FMO3: variants seen among roughly 807,000 people sequenced by gnomAD.
FMO3 encodes flavin-containing monooxygenase 3.
A neutral mutation model predicts 39.4 loss-of-function variants in FMO3; 40 were observed. That is an observed-to-expected ratio of 1.02 (90% CI 0.79 to 1.32). The LOEUF (loss-of-function observed/expected upper bound fraction) is 1.32, where lower values mean the gene tolerates loss of function less well. Among genes scored for constraint, FMO3 ranks in the 40% most tolerant of loss-of-function variants. The pLI, the probability that FMO3 is intolerant of heterozygous loss-of-function variation, is 0.00. For missense variants in FMO3, 680 were observed against 651.8 expected, an observed-to-expected ratio of 1.04 and a Z score of -0.47; for synonymous variants, 219 against 228.8, an observed-to-expected ratio of 0.96 and a Z score of 0.39.
At chr1:171,115,572 A>T (rs2236873) in intron 7 of FMO3, among the ~76,000 whole-genome samples, 47,579 of 152,078 alleles carry the variant, frequency 0.31, 7,979 homozygotes, top group African/African-American at 0.44. Context: ...TCAAGTTGAT[A>T]CCAAGATTAC....
At chr1:171,101,703 TC>T in intron 2 of FMO3, 1 of 508,792 alleles carries the variant, frequency 2.0e-6, no homozygotes, top group Non-Finnish European at 4.1e-6. Context: ...ATGATGTATT[TC>T]CCTCACCTTC....
intron 2 of FMO3, among the ~76,000 whole-genome samples, chr1:171,099,638 T>A (rs572955216): frequency 2.0e-5 from 3 of 152,058 alleles, no homozygotes; most frequent in Admixed American, 6.6e-5. Flanking sequence ...ATCATACAGC[T>A]GATAATGGTG....
rs1228257104 is a variant in FMO3, at chr1:171,093,827, C to CTTTTTTTT, written c.132+1055_132+1062dup. 5.4e-4 allele frequency among the ~76,000 whole-genome samples: 41 copies of CTTTTTTTT among 75,302 alleles called. 2 individuals are homozygous for CTTTTTTTT. Among genetic ancestry groups the CTTTTTTTT allele is most frequent in the Middle Eastern group, 0.011 (1 of 88 alleles). 49.4% of individuals were successfully genotyped at this position (75,302 alleles called of 152,430 possible). ...CTTTTCTCCACATACTCACTAATAT[C>CTTTTTTTT]TTTTTTTTTTTTTTTTTTTTTTTTT... On this transcript the variant is annotated intron_variant, in intron 2 of 8. Coordinates refer to ENST00000367755, the MANE Select transcript of FMO3 (RefSeq NM_001002294.3).
chr1:171,096,023 T>TAAATATA (rs1654979206), intron 2 of FMO3, among the ~76,000 whole-genome samples: 3 of 67,114 alleles, frequency 4.5e-5, no homozygotes, highest in East Asian at 4.6e-4. Flanking sequence ...ATATTATATA[T>TAAATATA]TAATATATAA....
intron 6 of FMO3, among the ~76,000 whole-genome samples, chr1:171,111,620 G>T (rs1406108723): frequency 6.6e-6 from 1 of 151,990 alleles, no homozygotes; most frequent in Non-Finnish European, 1.5e-5. Flanking sequence ...ACCAATGCTT[G>T]CATCTTCAGT....
chr1:171,113,316 G>A (rs953070127), intron 6 of FMO3, among the ~76,000 whole-genome samples: 4 of 152,082 alleles, frequency 2.6e-5, no homozygotes, highest in African/African-American at 9.7e-5. Context: ...CCTCCCTCTG[G>A]CCTTATTTAA....
chr1:171,100,822 C>A lies in FMO3; in HGVS notation c.133-2963C>A, dbSNP rs147754679. 6.5e-5 allele frequency: 17 copies of A among 261,204 alleles called. No individual in the cohort carries two copies. In the East Asian group the frequency reaches 1.3e-3, roughly 21 times the overall value. The allele number at this position is 261,204 out of a possible 1,614,324, so 16.2% of individuals were successfully genotyped here. On this transcript the variant is annotated intron_variant, in intron 2 of 8. Transcript: ENST00000367755. ...ATGCCCCTCCTCAAAGATATCACAT[C>A]CAAATTCCTGGAACCTGTAAATGTT...
chr1:171,106,228 C>T (rs894067287), intron 3 of FMO3, among the ~76,000 whole-genome samples: 8 of 151,416 alleles, frequency 5.3e-5, no homozygotes, highest in Admixed American at 4.6e-4. Flanking sequence ...ATAACCTCCA[C>T]CTCCTAGGTT....
At position 171,106,149 on chromosome 1, in the gene FMO3, T is replaced by G. The variant is rs371459107; in HGVS notation, c.322-1526T>G. Among the ~76,000 whole-genome samples, 114 of 152,240 alleles carry G rather than the reference T, an allele frequency of 7.5e-4. 1 individual carries two copies. The highest frequency in any genetic ancestry group is 2.3e-3 in the East Asian group (12 of 5,186). On this transcript the variant is annotated intron_variant, in intron 3 of 8. Transcript: ENST00000367755. Reference sequence around the variant, plus strand: ...TAATGTGACTATTAGAATTTTTTTTTTTTGTTTTGACACGGAGTTTCCCTC... The same window carrying G: ...TAATGTGACTATTAGAATTTTTTTTGTTTGTTTTGACACGGAGTTTCCCTC...
chr1:171,114,381 T>C lies in FMO3; in HGVS notation c.1183+19T>C. The C allele has an allele frequency of 6.4e-7, 1 of 1,559,882 alleles. No homozygotes were observed. Among genetic ancestry groups the C allele is most frequent in the Non-Finnish European group, 8.8e-7 (1 of 1,132,444 alleles). On this transcript the variant is annotated intron_variant, in intron 7 of 8. Transcript: ENST00000367755. The stretch of plus-strand genomic sequence containing the variant: ...ATAAAGGGTAAGTCAATAAAGAGGC[T>C]CATGGATTGCGAAGATGAATGCCAG...
intron 6 of FMO3, 103 bp downstream of exon 6, chr1:171,111,100 A>C (rs1157487381): frequency 1.1e-6 from 1 of 882,982 alleles, no homozygotes; most frequent in Admixed American, 1.8e-5. Context: ...TAGCAATCAC[A>C]ACTCATATAT....
At chr1:171,109,250 G>A (rs1655787982) in intron 5 of FMO3, among the ~76,000 whole-genome samples, 3 of 152,136 alleles carry the variant, frequency 2.0e-5, no homozygotes, top group African/African-American at 4.8e-5. Flanking sequence ...CAAAGCTTCC[G>A]AATCCAAGGA....
intron 7 of FMO3, among the ~76,000 whole-genome samples, chr1:171,115,391 CT>C (rs28363588): frequency 0.018 from 2,743 of 152,216 alleles, 74 homozygotes; most frequent in African/African-American, 0.061. Flanking sequence ...CAGTCTCTTT[CT>C]TTTCAATCTC....
intron 2 of FMO3, among the ~76,000 whole-genome samples, chr1:171,095,858 A>T (rs1341197292): frequency 3.0e-5 from 1 of 33,150 alleles, no homozygotes; most frequent in African/African-American, 1.0e-4. Context: ...TTATATATAT[A>T]ATATAAATAT....
chr1:171,108,808 G>GA (rs1055705275), intron 5 of FMO3, among the ~76,000 whole-genome samples: 130 of 152,034 alleles, frequency 8.6e-4, no homozygotes, highest in African/African-American at 3.0e-3. Context: ...GCTGCCACTG[G>GA]AAAAAAAGGA....
intron 4 of FMO3, 62 bp downstream of exon 4, chr1:171,107,899 CTT>C (rs1655720724): frequency 7.7e-7 from 1 of 1,302,650 alleles, no homozygotes; most frequent in Admixed American, 3.0e-5. Flanking sequence ...TTGATAATGT[CTT>C]CTTTTTTCTA....
chr1:171,096,485 TTAAATACATAATATAC>T lies in FMO3; in HGVS notation c.132+3697_132+3712del, dbSNP rs1557934197. Reference sequence around the variant, plus strand: ...TTAAATACATAATATATTTTATATATTAAATACATAATATACTTTATATATTAAATACATAATATAC... The same window carrying T: ...TTAAATACATAATATATTTTATATATTTTATATATTAAATACATAATATAC... On this transcript the variant is annotated intron_variant, in intron 2 of 8. Coordinates refer to ENST00000367755, the MANE Select transcript of FMO3 (RefSeq NM_001002294.3). 3.6e-4 allele frequency among the ~76,000 whole-genome samples: 38 copies of T among 105,810 alleles called. 2 individuals are homozygous for T. Among genetic ancestry groups the T allele is most frequent in the Non-Finnish European group, 4.8e-4 (29 of 60,254 alleles). 69.4% of individuals were successfully genotyped at this position (105,810 alleles called of 152,430 possible).
rs776440505 is a variant in FMO3, at chr1:171,103,790, T to C, written c.138T>C (p.His46=). Residue 46 remains histidine (H), a synonymous_variant, in exon 3 of 9, where the codon CAT becomes CAC. Transcript: ENST00000367755. ...DIGGLWKFSD[H]AEEGRASIYK... is the part of the protein sequence containing the mutation. ...TTGATACTATACATTCACAGGACCA[T>C]GCAGAGGAGGGCAGGGCTAGCATTT... 1.9e-6 allele frequency: 3 copies of C among 1,612,918 alleles called. No homozygotes were observed. The highest frequency in any genetic ancestry group is 2.5e-6 in the Non-Finnish European group (3 of 1,178,984).
At chr1:171,106,108 C>T (rs184920893) in intron 3 of FMO3, among the ~76,000 whole-genome samples, 17 of 151,960 alleles carry the variant, frequency 1.1e-4, no homozygotes, top group African/African-American at 3.6e-4. Flanking sequence ...TTAAATTATA[C>T]ATTTTTTTCA....
Sources: gnomAD v4.1 joint callset for allele counts (sites outside exome capture counted in the v4.1 genomes callset) on GRCh38, gnomAD v4.1.1 for gene constraint, MANE v1.5 for transcripts, NCBI Gene and HGNC (gene_info 2026-07-23, HGNC 2026-07-21) for gene names.